The following BPTF variants were observed in gnomAD, a reference collection of about 807,000 sequenced individuals.
BPTF encodes nucleosome-remodeling factor subunit BPTF.
Under a neutral mutation model 292.5 loss-of-function variants are expected in BPTF, and 18 were observed. That is an observed-to-expected ratio of 0.06 (90% CI 0.04 to 0.09). The LOEUF (loss-of-function observed/expected upper bound fraction) is 0.09, where lower values mean the gene tolerates loss of function less well. Among genes scored for constraint, BPTF ranks in the 10% least tolerant of loss-of-function variants. BPTF has a pLI of 1.00. For missense variants in BPTF, 2,726 were observed against 3,498.7 expected (o/e 0.78, Z 5.57); for synonymous variants, 1,225 against 1,251.9 (o/e 0.98, Z 0.45).
chr17:67,922,758 A>C (rs1483676021), intron 13 of BPTF, 82 bp from the exon 14 acceptor site: 1 of 1,467,980 alleles, frequency 6.8e-7, no homozygotes, highest in Admixed American at 2.5e-5. Flanking sequence ...TTTGCCAACC[A>C]CTTTTTCATG....
intron 21 of BPTF, among the ~76,000 whole-genome samples, chr17:67,946,828 G>A (rs1399471701): frequency 6.6e-6 from 1 of 152,216 alleles, no homozygotes; most frequent in African/African-American, 2.4e-5. Flanking sequence ...GCAACATCTT[G>A]CAATGGCACA....
rs79602862 is a variant in BPTF, at chr17:67,851,846, T to C, written c.614-2094T>C. ...GTTAAACTGTTAAATTTTTTTCCATTGAGGAGTCTGAGAACAGTTATCTCA... is the reference window on the plus strand; with the variant it reads ...GTTAAACTGTTAAATTTTTTTCCATCGAGGAGTCTGAGAACAGTTATCTCA... On this transcript the variant is annotated intron_variant, in intron 1 of 27. Transcript: ENST00000306378. Among the ~76,000 whole-genome samples, 129 of 152,264 alleles carry C rather than the reference T, an allele frequency of 8.5e-4. 1 individual carries two copies. In the East Asian group the frequency reaches 0.024, roughly 29 times the overall value.
In BPTF at chr17:67,875,750, G is replaced by C. The variant is rs199915594; in HGVS notation, c.1864+730G>C. ...GCTCCCCCAGGATGTGCCAGGTACAGAGGGCAGCGTATCAATGCCTCTGTA... is the reference window on the plus strand; with the variant it reads ...GCTCCCCCAGGATGTGCCAGGTACACAGGGCAGCGTATCAATGCCTCTGTA... On this transcript the variant is annotated intron_variant, in intron 4 of 27. Transcript: ENST00000306378. 111 of 1,562,928 alleles carry C rather than the reference G, an allele frequency of 7.1e-5. 2 individuals carry two copies. In the Middle Eastern group the frequency reaches 1.4e-3, roughly 19 times the overall value.
At position 67,882,512 on chromosome 17, in the gene BPTF, A is replaced by G. The variant is rs192769385; in HGVS notation, c.1864+7492A>G. Reference sequence around the variant, plus strand: ...CTATATGTTTGCTTTATCCCAATACAGGGTATTCCTATCCTAATGTGCATT... The same window carrying G: ...CTATATGTTTGCTTTATCCCAATACGGGGTATTCCTATCCTAATGTGCATT... On this transcript the variant is annotated intron_variant, in intron 4 of 27. Transcript: ENST00000306378. 4.3e-4 allele frequency among the ~76,000 whole-genome samples: 65 copies of G among 152,360 alleles called. 2 individuals carry two copies. The East Asian group carries it at 0.011, about 27-fold the overall frequency.
chr17:67,829,669 T>C (rs1392255486), intron 1 of BPTF, among the ~76,000 whole-genome samples: 1 of 152,252 alleles, frequency 6.6e-6, no homozygotes, highest in Non-Finnish European at 1.5e-5. Context: ...TGGTTTAAGA[T>C]ATCCGAATAA....
rs551973436 is a variant in BPTF, at chr17:67,979,460, C to T, written c.8727-2792C>T. On this transcript the variant is annotated intron_variant, in intron 27 of 27. Transcript: ENST00000306378. ...TACTCAGGAGGCTGAGACAGAATCACTTGAACCTGGGAGACGGAGGTTGCA... is the reference window on the plus strand; with the variant it reads ...TACTCAGGAGGCTGAGACAGAATCATTTGAACCTGGGAGACGGAGGTTGCA... Among the ~76,000 whole-genome samples, 10 of 151,544 alleles carry T rather than the reference C, an allele frequency of 6.6e-5. No individual in the cohort carries two copies. The East Asian group carries it at 2.0e-3, about 30-fold the overall frequency.
At chr17:67,839,235 A>G (rs921701209) in intron 1 of BPTF, among the ~76,000 whole-genome samples, 3 of 152,180 alleles carry the variant, frequency 2.0e-5, no homozygotes, top group Non-Finnish European at 4.4e-5. Context: ...TCCGAATTTA[A>G]TGGAACTGAT....
intron 7 of BPTF, among the ~76,000 whole-genome samples, chr17:67,899,321 G>A (rs1470516182): frequency 2.0e-5 from 3 of 152,090 alleles, no homozygotes; most frequent in Non-Finnish European, 4.4e-5. Flanking sequence ...CTGCAGTCAC[G>A]CCAGATACCT....
At position 67,826,667 on chromosome 17, in the gene BPTF, A is replaced by G. The variant is rs187011651; in HGVS notation, c.613+330A>G. ...GCAGGATTGAAACTTTGGCAAACAC[A>G]TATCCATTGCATTCATTTTTCTCCC... On this transcript the variant is annotated intron_variant, in intron 1 of 27. Coordinates refer to ENST00000306378, the MANE Select transcript of BPTF (RefSeq NM_182641.4). 3.9e-4 allele frequency among the ~76,000 whole-genome samples: 58 copies of G among 148,866 alleles called. No homozygotes were observed. The East Asian group carries it at 5.9e-3, about 15-fold the overall frequency.
At chr17:67,842,817 CAAAAA>C (rs60085248) in intron 1 of BPTF, among the ~76,000 whole-genome samples, 11 of 47,814 alleles carry the variant, frequency 2.3e-4, no homozygotes, top group East Asian at 1.5e-3. Flanking sequence ...CAATTAAGGC[CAAAAA>C]AAAAAAAAAA....
chr17:67,974,303 A>C (rs2069134788), intron 26 of BPTF: 2 of 152,022 alleles, frequency 1.3e-5, no homozygotes, highest in Non-Finnish European at 2.9e-5. Context: ...AAAAAAAACA[A>C]ACTTGTTTTC....
chr17:67,925,438 A>T (rs1471677965), intron 15 of BPTF, among the ~76,000 whole-genome samples: 1 of 152,130 alleles, frequency 6.6e-6, no homozygotes, highest in African/African-American at 2.4e-5. Context: ...CCAAGGCAGG[A>T]GGATCCCTTG....
At chr17:67,980,439 C>T (rs2070206316) in intron 27 of BPTF, among the ~76,000 whole-genome samples, 1 of 152,222 alleles carries the variant, frequency 6.6e-6, no homozygotes, top group African/African-American at 2.4e-5. Context: ...GACAGAGGAG[C>T]ACAACTTCTC....
chr17:67,866,723 G>C (rs774946500), intron 3 of BPTF, 36 bp downstream of exon 3: 69 of 1,551,274 alleles, frequency 4.4e-5, no homozygotes, highest in Non-Finnish European at 5.9e-5. Context: ...TTTTTGTTAA[G>C]TCTGAGCTAA....
intron 2 of BPTF, among the ~76,000 whole-genome samples, chr17:67,861,457 C>T (rs1356377988): frequency 2.0e-5 from 3 of 151,414 alleles, no homozygotes; most frequent in Admixed American, 6.6e-5. Context: ...GGTGGGATTA[C>T]GGGCGGCCGC....
intron 20 of BPTF, among the ~76,000 whole-genome samples, chr17:67,944,970 T>A (rs1555673690): frequency 6.6e-6 from 1 of 152,160 alleles, no homozygotes; most frequent in Non-Finnish European, 1.5e-5. Flanking sequence ...GCCCTAAGCG[T>A]GTCCAAATGG....
intron 1 of BPTF, among the ~76,000 whole-genome samples, chr17:67,840,781 T>C (rs1380755849): frequency 6.6e-6 from 1 of 151,860 alleles, no homozygotes; most frequent in East Asian, 2.0e-4. Flanking sequence ...CAGGCTGGTC[T>C]TGAACTCCTG....
chr17:67,892,534 G>A (rs1287069685), intron 5 of BPTF, among the ~76,000 whole-genome samples: 1 of 152,196 alleles, frequency 6.6e-6, no homozygotes, highest in South Asian at 2.1e-4. Flanking sequence ...CTAGGACTCG[G>A]TATCTCTGTG....
At chr17:67,841,565 A>G (rs567663218) in intron 1 of BPTF, among the ~76,000 whole-genome samples, 6 of 151,950 alleles carry the variant, frequency 3.9e-5, no homozygotes, top group East Asian at 1.9e-4. Flanking sequence ...ATATTCGTCT[A>G]TTGTTTAATT....
Sources: gnomAD v4.1 joint callset for allele counts (sites outside exome capture counted in the v4.1 genomes callset) on GRCh38, gnomAD v4.1.1 for gene constraint, MANE v1.5 for transcripts, NCBI Gene and HGNC (gene_info 2026-07-23, HGNC 2026-07-21) for gene names.